Variants in MAP3K20 observed in about 807,000 individuals in gnomAD.
MAP3K20 encodes the protein mitogen-activated protein kinase kinase kinase 20.
A neutral mutation model predicts 85.7 loss-of-function variants in MAP3K20; 40 were observed. The ratio of observed to expected loss-of-function variants is 0.47; its 90% CI spans 0.36 to 0.61. The LOEUF is 0.61. Ranked by LOEUF, MAP3K20 falls within the 20% of genes least tolerant of loss-of-function variation. The pLI, the probability that MAP3K20 is intolerant of heterozygous loss-of-function variation, is 0.00. For missense variants in MAP3K20, 817 were observed against 961.7 expected (o/e 0.85, Z 1.99); for synonymous variants, 325 against 327.7 (o/e 0.99, Z 0.09).
At chr2:173,120,116 C>A (rs990298660) in intron 2 of MAP3K20, among the ~76,000 whole-genome samples, 3 of 152,032 alleles carry the variant, frequency 2.0e-5, no homozygotes, top group Non-Finnish European at 4.4e-5. Context: ...AAAAAAAGAA[C>A]AAAGGGAAAA....
intron 16 of MAP3K20, among the ~76,000 whole-genome samples, chr2:173,239,822 T>G (rs1684740376): frequency 1.3e-5 from 2 of 152,192 alleles, no homozygotes; most frequent in Admixed American, 1.3e-4. Flanking sequence ...TGCTGATTCA[T>G]AAGAGAAAGC....
At chr2:173,076,355 G>A (rs1412064398) in intron 1 of MAP3K20, among the ~76,000 whole-genome samples, 8 of 152,216 alleles carry the variant, frequency 5.3e-5, no homozygotes, top group Admixed American at 3.9e-4. Flanking sequence ...TCGCGGTCCC[G>A]GGCGTGCGGC....
intron 2 of MAP3K20, among the ~76,000 whole-genome samples, chr2:173,139,565 AT>A (rs1688908226): frequency 6.6e-6 from 1 of 152,210 alleles, no homozygotes; most frequent in South Asian, 2.1e-4. Context: ...ACAAAATGAC[AT>A]TTATTAGGTG....
chr2:173,206,721 T>C (rs1234721573), intron 9 of MAP3K20, among the ~76,000 whole-genome samples: 1 of 152,208 alleles, frequency 6.6e-6, no homozygotes, highest in Non-Finnish European at 1.5e-5. Context: ...GCAAGCTTTA[T>C]AAGGGTGTAG....
intron 17 of MAP3K20, among the ~76,000 whole-genome samples, chr2:173,260,043 T>C (rs552654520): frequency 2.0e-5 from 3 of 152,242 alleles, no homozygotes; most frequent in Admixed American, 6.5e-5. Context: ...ATAATCCTAA[T>C]TTAAAACAAA....
At chr2:173,254,238 A>ACC (rs1250466969) in intron 16 of MAP3K20, among the ~76,000 whole-genome samples, 1 of 148,140 alleles carries the variant, frequency 6.8e-6, no homozygotes, top group East Asian at 2.0e-4. Flanking sequence ...ACATGGTGAA[A>ACC]CCCCATCTCT....
intron 2 of MAP3K20, chr2:173,160,294 T>G (rs1689616998): frequency 6.6e-6 from 1 of 152,206 alleles, no homozygotes; most frequent in African/African-American, 2.4e-5. Flanking sequence ...GCATGACCTG[T>G]GTATAACTCT....
intron 2 of MAP3K20, among the ~76,000 whole-genome samples, chr2:173,124,933 A>T (rs1170139711): frequency 6.6e-6 from 1 of 152,152 alleles, no homozygotes. Flanking sequence ...GGCTATAGTG[A>T]GCTATGATTG....
intron 2 of MAP3K20, among the ~76,000 whole-genome samples, chr2:173,167,616 C>T (rs1187944717): frequency 6.6e-6 from 1 of 151,984 alleles, no homozygotes; most frequent in African/African-American, 2.4e-5. Flanking sequence ...ATGAGCACAA[C>T]AAGGGGATAG....
At chr2:173,192,458 G>C (rs1390096318) in intron 7 of MAP3K20, among the ~76,000 whole-genome samples, 1 of 152,090 alleles carries the variant, frequency 6.6e-6, no homozygotes, top group African/African-American at 2.4e-5. Flanking sequence ...CCGAAGGCTA[G>C]AATTTTAAAG....
At chr2:173,119,196 G>A (rs1399665400) in intron 2 of MAP3K20, among the ~76,000 whole-genome samples, 1 of 152,250 alleles carries the variant, frequency 6.6e-6, no homozygotes, top group East Asian at 1.9e-4. Context: ...GCCCTTATTG[G>A]AGAAGGTGTG....
intron 1 of MAP3K20, among the ~76,000 whole-genome samples, chr2:173,087,911 A>G (rs1687186250): frequency 6.6e-6 from 1 of 152,172 alleles, no homozygotes; most frequent in Non-Finnish European, 1.5e-5. Flanking sequence ...TCCAAAGACA[A>G]GGTTCTCACA....
chr2:173,242,080 T>C (rs539585415), intron 16 of MAP3K20, among the ~76,000 whole-genome samples: 1 of 152,298 alleles, frequency 6.6e-6, no homozygotes, highest in African/African-American at 2.4e-5. Flanking sequence ...TTATGAGTTA[T>C]CTTTAAGCTT....
intron 2 of MAP3K20, among the ~76,000 whole-genome samples, chr2:173,110,031 T>C (rs1250936768): frequency 6.6e-6 from 1 of 151,334 alleles, no homozygotes; most frequent in Non-Finnish European, 1.5e-5. Flanking sequence ...GATGTATTTG[T>C]CTCCCCCAAA....
At chr2:173,121,578 G>T (rs545952412) in intron 2 of MAP3K20, among the ~76,000 whole-genome samples, 196 of 151,772 alleles carry the variant, frequency 1.3e-3, no homozygotes, top group African/African-American at 4.6e-3. Flanking sequence ...TAGTAGAGAC[G>T]GGGTTTCACC....
chr2:173,096,609 A>G lies in MAP3K20; in HGVS notation c.159+5419A>G, dbSNP rs550270187. Among the ~76,000 whole-genome samples, 579 of 152,286 alleles carry G rather than the reference A, an allele frequency of 3.8e-3. 3 individuals are homozygous for G. Among genetic ancestry groups the G allele is most frequent in the Non-Finnish European group, 6.3e-3 (430 of 68,022 alleles). ...CACCTCGGCCTCCCAAAGTGCTGGGATTACAGGCGTGAGCCACTGCACCCG... is the reference window on the plus strand; with the variant it reads ...CACCTCGGCCTCCCAAAGTGCTGGGGTTACAGGCGTGAGCCACTGCACCCG... On this transcript the variant is annotated intron_variant, in intron 2 of 19. Coordinates refer to ENST00000375213, the MANE Select transcript of MAP3K20 (RefSeq NM_016653.3).
At chr2:173,081,776 C>T (rs1052659045) in intron 1 of MAP3K20, among the ~76,000 whole-genome samples, 8 of 152,080 alleles carry the variant, frequency 5.3e-5, no homozygotes, top group Admixed American at 2.0e-4. Flanking sequence ...TGTTTGGTGT[C>T]GGGTTCATGA....
chr2:173,267,157 A>T lies in MAP3K20; in HGVS notation c.*407A>T, dbSNP rs1401228290. ...ATTTTTCCTTTTGGCTGAGGCTGCA[A>T]TATGGCCTGGCAAGGCACTGTTACT... On this transcript the variant is annotated 3_prime_UTR_variant, in exon 20 of 20. Transcript: ENST00000375213. 2 of 155,022 alleles carry T rather than the reference A, an allele frequency of 1.3e-5. No homozygotes were observed. Among genetic ancestry groups the T allele is most frequent in the Non-Finnish European group, 2.9e-5 (2 of 70,076 alleles). The allele number at this position is 155,022 out of a possible 1,614,324, so 9.6% of individuals were successfully genotyped here. A position where few individuals can be genotyped will look rare whatever the true frequency, so the allele number is the denominator to read the frequency against.
At chr2:173,165,197 T>C (rs1048613994) in intron 2 of MAP3K20, among the ~76,000 whole-genome samples, 4 of 151,626 alleles carry the variant, frequency 2.6e-5, no homozygotes, top group Non-Finnish European at 5.9e-5. Flanking sequence ...TCATCTGAGA[T>C]CAGGAGTTCG....
Sources: gnomAD v4.1 joint callset for allele counts (sites outside exome capture counted in the v4.1 genomes callset) on GRCh38, gnomAD v4.1.1 for gene constraint, MANE v1.5 for transcripts, NCBI Gene and HGNC (gene_info 2026-07-23, HGNC 2026-07-21) for gene names.